The following TENT4B variants were observed in gnomAD, a reference collection of about 807,000 sequenced individuals.
TENT4B encodes the protein terminal nucleotidyltransferase 4B.
Under a neutral mutation model 75.0 loss-of-function variants are expected in TENT4B, and 10 were observed. The observed-to-expected ratio is 0.13, with a 90% CI of 0.08 to 0.23. TENT4B has a LOEUF of 0.23. Among genes scored for constraint, TENT4B ranks in the 10% least tolerant of loss-of-function variants. TENT4B has a pLI of 1.00. For missense variants in TENT4B, 579 were observed against 893.8 expected (o/e 0.65, Z 4.49); for synonymous variants, 350 against 357.7 (o/e 0.98, Z 0.24).
chr16:50,171,369 A>G (rs1002073195), intron 1 of TENT4B, among the ~76,000 whole-genome samples: 2 of 152,116 alleles, frequency 1.3e-5, no homozygotes, highest in Non-Finnish European at 2.9e-5. Context: ...CCACTGCACA[A>G]CAGCCTGGGC....
At chr16:50,178,835 A>G (rs1385490555) in intron 1 of TENT4B, among the ~76,000 whole-genome samples, 3 of 152,148 alleles carry the variant, frequency 2.0e-5, no homozygotes, top group Non-Finnish European at 4.4e-5. Flanking sequence ...TTCATGTTTA[A>G]TGGGTACAGA....
At chr16:50,197,614 T>C (rs967192474) in intron 1 of TENT4B, among the ~76,000 whole-genome samples, 1 of 152,190 alleles carries the variant, frequency 6.6e-6, no homozygotes, top group Non-Finnish European at 1.5e-5. Flanking sequence ...AAAGAATGAT[T>C]TGCAAATTGG....
chr16:50,210,580 G>A (rs983556496), intron 1 of TENT4B, among the ~76,000 whole-genome samples: 1 of 152,174 alleles, frequency 6.6e-6, no homozygotes, highest in Non-Finnish European at 1.5e-5. Context: ...TGTTTCCATA[G>A]TTGCCAGTTT....
intron 1 of TENT4B, among the ~76,000 whole-genome samples, chr16:50,176,856 A>C (rs2038321227): frequency 6.6e-6 from 1 of 151,944 alleles, no homozygotes; most frequent in Admixed American, 6.6e-5. Context: ...TATTTTATTT[A>C]GCATTTGTGT....
At chr16:50,224,509 G>T in intron 7 of TENT4B, 148 bp from the exon 8 acceptor site, 1 of 826,470 alleles carries the variant, frequency 1.2e-6, no homozygotes. Context: ...CAGAGACTGG[G>T]GAGCTTTGGG....
chr16:50,211,488 G>T (rs1277404099), intron 2 of TENT4B, 42 bp downstream of exon 2: 16 of 1,515,772 alleles, frequency 1.1e-5, no homozygotes, highest in Non-Finnish European at 1.4e-5. Context: ...GACAGTCCTT[G>T]TCCACGGGCT....
intron 1 of TENT4B, among the ~76,000 whole-genome samples, chr16:50,174,971 G>C (rs2038277595): frequency 1.3e-5 from 2 of 151,766 alleles, no homozygotes; most frequent in Admixed American, 1.3e-4. Context: ...TTGAACTCTT[G>C]ACCTCCTGAT....
chr16:50,177,154 C>T (rs2038326275), intron 1 of TENT4B, among the ~76,000 whole-genome samples: 3 of 151,858 alleles, frequency 2.0e-5, no homozygotes, highest in South Asian at 2.1e-4. Flanking sequence ...AGGCATGCAC[C>T]ACCATGCCTG....
intron 1 of TENT4B, among the ~76,000 whole-genome samples, chr16:50,176,392 T>G (rs1002763501): frequency 6.6e-6 from 1 of 151,622 alleles, no homozygotes; most frequent in Admixed American, 6.6e-5. Flanking sequence ...GCCTACAATT[T>G]ATTTGTAATC....
intron 1 of TENT4B, among the ~76,000 whole-genome samples, chr16:50,157,829 A>T (rs1210466279): frequency 1.3e-5 from 2 of 151,652 alleles, no homozygotes; most frequent in Non-Finnish European, 1.5e-5. Flanking sequence ...GCAGTGTCAT[A>T]ATCATGGGTC....
intron 5 of TENT4B, among the ~76,000 whole-genome samples, chr16:50,221,593 C>T (rs543473943): frequency 1.3e-5 from 2 of 152,302 alleles, no homozygotes; most frequent in African/African-American, 4.8e-5. Context: ...TACAGTGGTA[C>T]ATCACCAAGA....
In TENT4B at chr16:50,153,994, G is replaced by T; in HGVS notation, c.373G>T (p.Ala125Ser). 1 of 1,534,074 alleles carries T rather than the reference G, an allele frequency of 6.5e-7. No individual in the cohort carries two copies. The highest frequency in any genetic ancestry group is 1.2e-5 in the South Asian group (1 of 83,886). Residue 125 changes from alanine (A) to serine (S), a missense_variant, in exon 1 of 12, where the codon GCG becomes TCG. Coordinates refer to ENST00000561678, the MANE Select transcript of TENT4B (RefSeq NM_001365324.3). ...HHQPGAWARR[A>S]GSSASSPPSA... ...CCAGCCCGGGGCCTGGGCCCGCCGG[G>T]CGGGCTCCTCGGCGTCCTCGCCTCC...
intron 1 of TENT4B, among the ~76,000 whole-genome samples, chr16:50,187,779 C>T (rs912755745): frequency 1.3e-5 from 2 of 151,648 alleles, no homozygotes; most frequent in Admixed American, 1.3e-4. Flanking sequence ...AATTGCAGCA[C>T]TTTGAGAGGT....
At chr16:50,159,326 C>T (rs1393727114) in intron 1 of TENT4B, among the ~76,000 whole-genome samples, 3 of 151,168 alleles carry the variant, frequency 2.0e-5, no homozygotes, top group Non-Finnish European at 4.4e-5. Context: ...CTCATTGCAA[C>T]CTCTGACTCC....
Position 50,231,797 on chromosome 16 carries a change from T to C in TENT4B, c.*2469T>C, listed in dbSNP as rs2032303217. 1 of 985,736 alleles carries C rather than the reference T, an allele frequency of 1.0e-6. No homozygotes were observed. Among genetic ancestry groups the C allele is most frequent in the Non-Finnish European group, 1.2e-6 (1 of 829,800 alleles). The allele number at this position is 985,736 out of a possible 1,614,324, so 61.1% of individuals were successfully genotyped here. A position where few individuals can be genotyped will look rare whatever the true frequency, so the allele number is the denominator to read the frequency against. On this transcript the variant is annotated 3_prime_UTR_variant, in exon 12 of 12. Transcript: ENST00000561678. ...TGAACAGTGTGGAAGCTGTTCATTT[T>C]TCAATCTGAAGTAAAATACTTTCAA...
At chr16:50,227,656 T>C (rs959860976) in intron 10 of TENT4B, among the ~76,000 whole-genome samples, 183 bp from the exon 11 acceptor site, 1 of 151,758 alleles carries the variant, frequency 6.6e-6, no homozygotes. Context: ...TCTGATAAAA[T>C]CAGTCATTTT....
chr16:50,234,928 T>C lies in TENT4B; in HGVS notation c.*5600T>C. On this transcript the variant is annotated 3_prime_UTR_variant, in exon 12 of 12. Coordinates refer to ENST00000561678, the MANE Select transcript of TENT4B (RefSeq NM_001365324.3). The stretch of plus-strand genomic sequence containing the variant: ...TATGTATTTCCTTCTTTGATTAGCA[T>C]TGTCTTCAGTGTTAAGAAATGTGGA... 3.0e-6 allele frequency: 3 copies of C among 985,792 alleles called. No homozygotes were observed. Among genetic ancestry groups the C allele is most frequent in the Non-Finnish European group, 2.4e-6 (2 of 829,838 alleles). The allele number at this position is 985,792 out of a possible 1,614,324, so 61.1% of individuals were successfully genotyped here.
intron 1 of TENT4B, among the ~76,000 whole-genome samples, chr16:50,176,260 A>T (rs2038306295): frequency 6.6e-6 from 1 of 151,176 alleles, no homozygotes; most frequent in African/African-American, 2.4e-5. Context: ...CTAAGTTTTT[A>T]AATTTTTTTA....
At chr16:50,200,746 GTTCT>G (rs1156899269) in intron 1 of TENT4B, among the ~76,000 whole-genome samples, 2 of 151,470 alleles carry the variant, frequency 1.3e-5, no homozygotes, top group South Asian at 2.1e-4. Context: ...AATATCATGA[GTTCT>G]TTGTCTATTT....
Sources: allele counts gnomAD v4.1 joint callset (sites outside exome capture counted in the v4.1 genomes callset), GRCh38; gene constraint gnomAD v4.1.1; transcripts MANE v1.5; gene names NCBI Gene and HGNC (gene_info 2026-07-23, HGNC 2026-07-21).